Variants in PSPC1 observed in about 807,000 individuals in gnomAD.
PSPC1 encodes paraspeckle component 1, also known as paraspeckle protein 1.
PSPC1 carries 14 observed loss-of-function variants against 51.6 expected under a neutral mutation model. That is an observed-to-expected ratio of 0.27 (90% CI 0.18 to 0.42). The LOEUF (loss-of-function observed/expected upper bound fraction) is 0.42. PSPC1 is among the 10% of genes least tolerant of loss of function. PSPC1 has a pLI of 1.00. For synonymous variants in PSPC1, 193 were observed against 231.9 expected (o/e 0.83, Z 1.53); for missense variants, 406 against 701.1 (o/e 0.58, Z 4.75).
At position 19,710,265 on chromosome 13, in the gene PSPC1, T is replaced by C. The variant is rs143948235; in HGVS notation, c.1159-666A>G. On this transcript the variant is annotated intron_variant, in intron 6 of 8. Coordinates refer to ENST00000338910, the MANE Select transcript of PSPC1 (RefSeq NM_001354909.2). The stretch of plus-strand genomic sequence containing the variant: ...AATGAAAGTATTACACAGTTAACTA[T>C]AAAACAGAAATATTCAGAACATTTG... 9.1e-3 allele frequency among the ~76,000 whole-genome samples: 1,379 copies of C among 152,176 alleles called. 29 individuals carry two copies. Among genetic ancestry groups the C allele is most frequent in the African/African-American group, 0.031 (1,277 of 41,446 alleles).
At chr13:19,773,794 G>A (rs527304402) in intron 1 of PSPC1, among the ~76,000 whole-genome samples, 16 of 151,936 alleles carry the variant, frequency 1.1e-4, no homozygotes, top group African/African-American at 2.9e-4. Context: ...CTGGGTTTCC[G>A]GGTGCATGCC....
intron 4 of PSPC1, 130 bp downstream of exon 4, chr13:19,751,141 A>G: frequency 1.6e-6 from 1 of 626,452 alleles, no homozygotes; most frequent in Non-Finnish European, 2.5e-6. Flanking sequence ...AGATTTTCAC[A>G]CCTAATATGT....
At chr13:19,764,104 T>C (rs1347772221) in intron 2 of PSPC1, among the ~76,000 whole-genome samples, 1 of 152,158 alleles carries the variant, frequency 6.6e-6, no homozygotes, top group Non-Finnish European at 1.5e-5. Context: ...AGTGTTAATT[T>C]ATTTACAAAA....
chr13:19,673,322 AC>A, downstream of PSPC1: 1 of 305,014 alleles, frequency 3.3e-6, no homozygotes, highest in Non-Finnish European at 6.5e-6. Context: ...TGTATGAAAT[AC>A]GATTTTAATG....
At position 19,686,150 on chromosome 13, in the gene PSPC1, A is replaced by T. The variant is rs545937179; in HGVS notation, c.1159-8327T>A. Reference sequence around the variant, plus strand: ...CTTTCTAAAAAATAAGCTACATCCTATCATGACCTAGGCAAAGTCTCTCCG... The same window carrying T: ...CTTTCTAAAAAATAAGCTACATCCTTTCATGACCTAGGCAAAGTCTCTCCG... On this transcript the variant is annotated intron_variant and NMD_transcript_variant, in intron 6 of 7. Coordinates refer to the PSPC1 transcript ENST00000471658. Among the ~76,000 whole-genome samples, 3 of 152,170 alleles carry T rather than the reference A, an allele frequency of 2.0e-5. No individual in the cohort carries two copies. In the South Asian group the frequency reaches 6.2e-4, roughly 32 times the overall value.
In PSPC1 at chr13:19,731,475, C is replaced by G. The variant is rs367926261; in HGVS notation, c.1053-1131G>C. 8.5e-5 allele frequency among the ~76,000 whole-genome samples: 13 copies of G among 152,198 alleles called. No homozygotes were observed. The East Asian group carries it at 2.1e-3, about 25-fold the overall frequency. ...GTCACCCATGCTGGAGTGTCCCAATCTCAGCTCAGCTCACTGCAGCCTTGA... is the reference window on the plus strand; with the variant it reads ...GTCACCCATGCTGGAGTGTCCCAATGTCAGCTCAGCTCACTGCAGCCTTGA... On this transcript the variant is annotated intron_variant, in intron 5 of 8. Coordinates refer to ENST00000338910, the MANE Select transcript of PSPC1 (RefSeq NM_001354909.2).
chr13:19,694,118 A>G (rs12867116), intron 6 of PSPC1, among the ~76,000 whole-genome samples: 4 of 34,328 alleles, frequency 1.2e-4, no homozygotes, highest in Middle Eastern at 0.016. Flanking sequence ...GCGAGACTCC[A>G]TCTCAAAAAA....
chr13:19,698,678 T>A (rs189595110), downstream of PSPC1, among the ~76,000 whole-genome samples: 15 of 151,998 alleles, frequency 9.9e-5, no homozygotes, highest in African/African-American at 3.6e-4. Flanking sequence ...TTCATCTGAT[T>A]AAATGAGAAA....
At chr13:19,671,410 C>A (rs1253401595), downstream of PSPC1, 9 of 796,256 alleles carry the variant, frequency 1.1e-5, no homozygotes, top group Non-Finnish European at 1.2e-5. Flanking sequence ...CAGGCACTCC[C>A]TGGGGTAGTG....
chr13:19,756,340 T>A (rs1465835102), intron 3 of PSPC1, among the ~76,000 whole-genome samples: 2 of 152,104 alleles, frequency 1.3e-5, no homozygotes, highest in Non-Finnish European at 2.9e-5. Flanking sequence ...TTCCTTGCTT[T>A]GAGCATTTTG....
At position 19,782,870 on chromosome 13, in the gene PSPC1, G is replaced by T; in HGVS notation, c.-113C>A. On this transcript the variant is annotated 5_prime_UTR_variant, in exon 1 of 9. Transcript: ENST00000338910. The surrounding 1 kb of genome is among the most constrained non-coding windows in gnomAD (Gnocchi z 4.5). Reference sequence around the variant, plus strand: ...ATGCCAACAAAATATCGACAATCAAGAGACCGCTAGGTAGGCGAGTCGGCA... The same window carrying T: ...ATGCCAACAAAATATCGACAATCAATAGACCGCTAGGTAGGCGAGTCGGCA... The T allele has an allele frequency of 7.9e-7, 1 of 1,258,246 alleles. No homozygotes were observed. The highest frequency in any genetic ancestry group is 1.0e-6 in the Non-Finnish European group (1 of 972,794). 77.9% of individuals were successfully genotyped at this position (1,258,246 alleles called of 1,614,324 possible).
intron 1 of PSPC1, among the ~76,000 whole-genome samples, chr13:19,774,242 TTG>T (rs1347116966): frequency 2.0e-5 from 3 of 152,188 alleles, no homozygotes; most frequent in Non-Finnish European, 2.9e-5. Flanking sequence ...GTCTTTTTCA[TTG>T]TGTTATGGGA....
At chr13:19,740,542 T>C (rs1885326842) in intron 5 of PSPC1, among the ~76,000 whole-genome samples, 1 of 152,218 alleles carries the variant, frequency 6.6e-6, no homozygotes, top group Admixed American at 6.5e-5. Flanking sequence ...CCTTATTTTC[T>C]TATCACAAGC....
intron 5 of PSPC1, among the ~76,000 whole-genome samples, chr13:19,733,992 G>T (rs1169449013): frequency 6.6e-6 from 1 of 151,698 alleles, no homozygotes; most frequent in Admixed American, 6.6e-5. Context: ...CATAGAAGAG[G>T]GTATGAAAAA....
intron 6 of PSPC1, among the ~76,000 whole-genome samples, chr13:19,716,941 G>A (rs993363245): frequency 6.6e-5 from 10 of 152,098 alleles, no homozygotes; most frequent in Non-Finnish European, 1.2e-4. Flanking sequence ...TGTAACCTCA[G>A]CACTTTGGGG....
intron 5 of PSPC1, among the ~76,000 whole-genome samples, chr13:19,734,124 A>G (rs1884476994): frequency 6.6e-6 from 1 of 152,134 alleles, no homozygotes. Context: ...TGTTGTCCAT[A>G]TATGTTTGCT....
chr13:19,730,960 A>AC (rs1566002258), intron 5 of PSPC1, among the ~76,000 whole-genome samples: 11 of 24,202 alleles, frequency 4.5e-4, no homozygotes, highest in African/African-American at 8.0e-4. Flanking sequence ...AAAAAAACAA[A>AC]AAAACAAAAA....
At chr13:19,694,299 A>C (rs1878955590) in intron 6 of PSPC1, among the ~76,000 whole-genome samples, 1 of 152,070 alleles carries the variant, frequency 6.6e-6, no homozygotes, top group Non-Finnish European at 1.5e-5. Context: ...AAAGGAAAAA[A>C]TTAAAATGTG....
chr13:19,778,892 C>T (rs1889526423), intron 1 of PSPC1, among the ~76,000 whole-genome samples: 1 of 101,328 alleles, frequency 9.9e-6, no homozygotes, highest in African/African-American at 3.2e-5. Flanking sequence ...TGAGGAGCAT[C>T]TCCGCCCGGC....
Sources: gnomAD v4.1 joint callset for allele counts (sites outside exome capture counted in the v4.1 genomes callset) on GRCh38, gnomAD v4.1.1 for gene constraint, Gnocchi (gnomAD v3.1) non-coding constraint, MANE v1.5 for transcripts, NCBI Gene and HGNC (gene_info 2026-07-23, HGNC 2026-07-21) for gene names.